Variants in MAGI2 observed in about 807,000 individuals in gnomAD.
MAGI2 encodes the protein membrane-associated guanylate kinase, WW and PDZ domain-containing protein 2.
In MAGI2, 35 loss-of-function variants were observed where a neutral mutation model predicts 133.3. That is an observed-to-expected ratio of 0.26 (90% CI 0.20 to 0.35). MAGI2 has a LOEUF of 0.35. Ranked by LOEUF, MAGI2 falls within the 10% of genes least tolerant of loss-of-function variation. MAGI2 has a pLI of 1.00. For missense variants in MAGI2, 1,636 were observed against 1,863.4 expected (o/e 0.88, Z 2.25); for synonymous variants, 729 against 710.6 (o/e 1.03, Z -0.41).
intron 2 of MAGI2, among the ~76,000 whole-genome samples, chr7:78,825,988 C>T (rs1790591931): frequency 6.6e-6 from 1 of 152,114 alleles, no homozygotes; most frequent in African/African-American, 2.4e-5. Flanking sequence ...TACAACCATA[C>T]AATAGAATAT....
intron 2 of MAGI2, among the ~76,000 whole-genome samples, chr7:78,929,782 T>G (rs1799973907): frequency 6.6e-6 from 1 of 152,070 alleles, no homozygotes; most frequent in Admixed American, 6.6e-5. Flanking sequence ...TTTTGCCACA[T>G]AAGATAATGT....
At chr7:78,900,167 A>C (rs1020933833) in intron 2 of MAGI2, among the ~76,000 whole-genome samples, 4 of 152,082 alleles carry the variant, frequency 2.6e-5, no homozygotes, top group African/African-American at 7.2e-5. Flanking sequence ...TCACGTCCAA[A>C]CCACTACCAT....
At chr7:78,518,122 A>G (rs1796192733) in intron 4 of MAGI2, 1 of 152,194 alleles carries the variant, frequency 6.6e-6, no homozygotes, top group East Asian at 1.9e-4. Context: ...TAATGCTTAT[A>G]CATGCACAGA....
At chr7:78,708,006 A>G (rs1345790637) in intron 2 of MAGI2, among the ~76,000 whole-genome samples, 1 of 152,130 alleles carries the variant, frequency 6.6e-6, no homozygotes, top group Non-Finnish European at 1.5e-5. Context: ...ATCCACCCAT[A>G]TAATGCCTCA....
At chr7:79,436,029 T>C (rs1465703058) in intron 1 of MAGI2, among the ~76,000 whole-genome samples, 4 of 152,152 alleles carry the variant, frequency 2.6e-5, no homozygotes, top group Non-Finnish European at 5.9e-5. Flanking sequence ...AAGGACTCCC[T>C]ATTCAATAAA....
chr7:79,253,002 A>G (rs531808353), intron 1 of MAGI2, among the ~76,000 whole-genome samples: 46 of 152,170 alleles, frequency 3.0e-4, no homozygotes, highest in Non-Finnish European at 5.7e-4. Flanking sequence ...ATCTAAAAGC[A>G]CTTTGCATGT....
At chr7:79,029,248 T>C (rs1810325990) in intron 1 of MAGI2, among the ~76,000 whole-genome samples, 1 of 152,134 alleles carries the variant, frequency 6.6e-6, no homozygotes, top group East Asian at 1.9e-4. Flanking sequence ...TGGAGAAATG[T>C]TGTAGTTTTT....
At chr7:79,132,271 T>C (rs1185392719) in intron 1 of MAGI2, among the ~76,000 whole-genome samples, 1 of 152,118 alleles carries the variant, frequency 6.6e-6, no homozygotes, top group Non-Finnish European at 1.5e-5. Flanking sequence ...GTACCTAATG[T>C]GTAATTTTTT....
intron 2 of MAGI2, among the ~76,000 whole-genome samples, chr7:78,902,038 G>A (rs879124000): frequency 6.6e-6 from 1 of 152,140 alleles, no homozygotes; most frequent in Admixed American, 6.5e-5. Flanking sequence ...TTTATAGGAA[G>A]TGTAAAACCA....
intron 20 of MAGI2, among the ~76,000 whole-genome samples, chr7:78,117,374 C>T (rs1819974694): frequency 6.6e-6 from 1 of 151,516 alleles, no homozygotes; most frequent in South Asian, 2.1e-4. Flanking sequence ...GTAATTGAAC[C>T]ATAAAAATCC....
At chr7:78,456,004 C>T (rs1009304561) in intron 6 of MAGI2, among the ~76,000 whole-genome samples, 2 of 151,890 alleles carry the variant, frequency 1.3e-5, no homozygotes, top group Admixed American at 6.6e-5. Flanking sequence ...GCTCTCAGGG[C>T]CATCTTTGTC....
intron 2 of MAGI2, among the ~76,000 whole-genome samples, chr7:78,941,412 C>T (rs1435809751): frequency 6.6e-6 from 1 of 152,156 alleles, no homozygotes; most frequent in Non-Finnish European, 1.5e-5. Context: ...TGCAATGGTG[C>T]AATCTCGGCT....
intron 2 of MAGI2, among the ~76,000 whole-genome samples, chr7:78,857,113 A>T (rs1793716970): frequency 6.6e-6 from 1 of 152,150 alleles, no homozygotes; most frequent in South Asian, 2.1e-4. Context: ...GTATCCTGAG[A>T]ATTTGCTGAA....
intron 2 of MAGI2, among the ~76,000 whole-genome samples, chr7:78,723,359 T>C (rs916439871): frequency 2.0e-5 from 3 of 152,156 alleles, no homozygotes; most frequent in African/African-American, 7.2e-5. Flanking sequence ...GCCTGGGCCC[T>C]AACACATTTG....
chr7:78,843,721 C>T (rs1207819), intron 2 of MAGI2, among the ~76,000 whole-genome samples: 105,332 of 150,970 alleles, frequency 0.7, 37,218 homozygotes, highest in Middle Eastern at 0.79. Flanking sequence ...TAATTTATTG[C>T]CTTTTTATAT....
At chr7:78,512,777 T>C (rs1025416091) in intron 4 of MAGI2, among the ~76,000 whole-genome samples, 1 of 152,220 alleles carries the variant, frequency 6.6e-6, no homozygotes, top group Admixed American at 6.5e-5. Context: ...TTTTCTTCTA[T>C]ATCTAAAACC....
Position 78,104,512 on chromosome 7 carries a change from G to A in MAGI2, c.3567+21182C>T, listed in dbSNP as rs553230261. Among the ~76,000 whole-genome samples, 320 of 151,896 alleles carry A rather than the reference G, an allele frequency of 2.1e-3. 1 individual carries two copies. Among genetic ancestry groups the A allele is most frequent in the Non-Finnish European group, 3.8e-3 (260 of 67,944 alleles). On this transcript the variant is annotated intron_variant, in intron 20 of 21. Coordinates refer to ENST00000354212, the MANE Select transcript of MAGI2 (RefSeq NM_012301.4). ...GCTGGGATTACAGGCATGAGCCACC[G>A]CGCCCAGCCCGGATTTTCTTTAAAA...
chr7:79,449,894 AT>A (rs1849121281), intron 1 of MAGI2, among the ~76,000 whole-genome samples: 2 of 147,894 alleles, frequency 1.4e-5, no homozygotes, highest in Admixed American at 6.8e-5. Context: ...ATATATATAT[AT>A]ATAATGTCTT....
At chr7:78,761,823 G>A (rs899739014) in intron 2 of MAGI2, among the ~76,000 whole-genome samples, 1 of 151,950 alleles carries the variant, frequency 6.6e-6, no homozygotes, top group Non-Finnish European at 1.5e-5. Flanking sequence ...CTTAGGCAAT[G>A]CTGATGCTGG....
Sources: allele counts gnomAD v4.1 joint callset (sites outside exome capture counted in the v4.1 genomes callset), GRCh38; gene constraint gnomAD v4.1.1; transcripts MANE v1.5; gene names NCBI Gene and HGNC (gene_info 2026-07-23, HGNC 2026-07-21).